SP140: variants seen among roughly 807,000 people sequenced by gnomAD.
SP140 encodes the protein SP140 nuclear body protein, also known as nuclear body protein SP140.
A neutral mutation model predicts 125.0 loss-of-function variants in SP140; 81 were observed. The observed-to-expected ratio is 0.65, with a 90% CI of 0.54 to 0.78. SP140 has a LOEUF of 0.78. SP140 is among the 30% of genes least tolerant of loss of function. The pLI is 0.00. For missense variants in SP140, 858 were observed against 1,037.0 expected (o/e 0.83, Z 2.37); for synonymous variants, 312 against 354.0 (o/e 0.88, Z 1.33).
chr2:230,198,279 G>A (rs1167113961), upstream of SP140, among the ~76,000 whole-genome samples: 1 of 152,172 alleles, frequency 6.6e-6, no homozygotes. Flanking sequence ...ACCCAGAAGT[G>A]ACACCCATCT....
chr2:230,308,938 GTA>G (rs1310584746), intron 22 of SP140, among the ~76,000 whole-genome samples: 1 of 152,150 alleles, frequency 6.6e-6, no homozygotes, highest in Non-Finnish European at 1.5e-5. Context: ...GTTCTTTGTT[GTA>G]AATACACATG....
intron 11 of SP140, among the ~76,000 whole-genome samples, chr2:230,255,120 G>A (rs960186400): frequency 2.0e-5 from 3 of 152,196 alleles, no homozygotes; most frequent in African/African-American, 7.2e-5. Flanking sequence ...AGAAACGCAT[G>A]GAAACAAAGA....
chr2:230,308,808 A>G (rs1280684079), intron 22 of SP140, among the ~76,000 whole-genome samples: 1 of 152,196 alleles, frequency 6.6e-6, no homozygotes, highest in Non-Finnish European at 1.5e-5. Context: ...GGACTTGTAG[A>G]TAGACCATTC....
intron 22 of SP140, among the ~76,000 whole-genome samples, chr2:230,300,078 C>T (rs2058147166): frequency 6.6e-6 from 1 of 152,142 alleles, no homozygotes; most frequent in African/African-American, 2.4e-5. Context: ...TGACCTCACC[C>T]ATCACCTGAG....
chr2:230,288,022 G>T (rs189172034), intron 18 of SP140, 56 bp downstream of exon 18: 1 of 1,419,384 alleles, frequency 7.0e-7, no homozygotes, highest in East Asian at 2.4e-5. Flanking sequence ...TTTCCTGTGC[G>T]GTACACTGTA....
intron 23 of SP140, chr2:230,310,475 G>T: frequency 1.4e-6 from 1 of 736,572 alleles, no homozygotes; most frequent in Non-Finnish European, 2.2e-6. Flanking sequence ...GGTTCCCTGT[G>T]CTCCCAGCAG....
chr2:230,301,144 G>C (rs747270596), intron 22 of SP140, among the ~76,000 whole-genome samples: 4 of 152,178 alleles, frequency 2.6e-5, no homozygotes, highest in Non-Finnish European at 5.9e-5. Context: ...CGAAGTTTAG[G>C]ATTATGATAA....
chr2:230,272,303 C>T (rs556786886), intron 15 of SP140, among the ~76,000 whole-genome samples: 22 of 152,188 alleles, frequency 1.4e-4, no homozygotes, highest in African/African-American at 5.1e-4. Context: ...TCATGCTACC[C>T]AATTTCAAGC....
At chr2:230,199,708 A>C (rs895564183), upstream of SP140, among the ~76,000 whole-genome samples, 3 of 152,162 alleles carry the variant, frequency 2.0e-5, no homozygotes, top group Non-Finnish European at 4.4e-5. Context: ...TCTTCTTCAC[A>C]CTTATGCTCT....
At chr2:230,290,682 G>A (rs2057012060) in intron 19 of SP140, 118 bp downstream of exon 19, 1 of 818,102 alleles carries the variant, frequency 1.2e-6, no homozygotes, top group Non-Finnish European at 1.9e-6. Context: ...TGGCTTGAGG[G>A]AAGGAGGAAG....
intron 1 of SP140, among the ~76,000 whole-genome samples, chr2:230,235,847 A>G (rs1332089298): frequency 6.6e-6 from 1 of 151,614 alleles, no homozygotes; most frequent in African/African-American, 2.4e-5. Context: ...GGACCAGAGA[A>G]AGAGTGATTT....
At chr2:230,229,986 C>A (rs934898753) in intron 1 of SP140, among the ~76,000 whole-genome samples, 1 of 151,484 alleles carries the variant, frequency 6.6e-6, no homozygotes. Context: ...CTCTGTCTTT[C>A]GTATTCTGCA....
chr2:230,248,124 G>A (rs2049777967), intron 8 of SP140, 59 bp downstream of exon 8: 2 of 1,551,018 alleles, frequency 1.3e-6, no homozygotes, highest in South Asian at 2.3e-5. Flanking sequence ...GCCAACATGG[G>A]GTGGGAGACC....
intron 18 of SP140, among the ~76,000 whole-genome samples, chr2:230,289,154 G>A (rs1038319720): frequency 1.3e-5 from 2 of 152,112 alleles, no homozygotes; most frequent in African/African-American, 4.8e-5. Flanking sequence ...TTTAATGATT[G>A]CCATTCTAAC....
intron 1 of SP140, among the ~76,000 whole-genome samples, chr2:230,205,945 T>C (rs1392699259): frequency 6.6e-6 from 1 of 152,168 alleles, no homozygotes; most frequent in Non-Finnish European, 1.5e-5. Context: ...AGGAGGCCCA[T>C]AGAGAATACA....
intron 6 of SP140, among the ~76,000 whole-genome samples, chr2:230,245,528 C>T (rs940772049): frequency 1.3e-5 from 2 of 152,018 alleles, no homozygotes; most frequent in African/African-American, 4.8e-5. Context: ...AAAGAGGTAA[C>T]AAACATCACG....
chr2:230,305,683 C>T (rs972442464), intron 22 of SP140, among the ~76,000 whole-genome samples: 5 of 152,306 alleles, frequency 3.3e-5, no homozygotes, highest in Admixed American at 6.5e-5. Flanking sequence ...CGGGCCCGAA[C>T]GCGGAGCAGT....
chr2:230,253,239 G>A lies in SP140; in HGVS notation c.1058-77G>A, dbSNP rs2050646978. The A allele has an allele frequency of 7.0e-6, 7 of 993,722 alleles. No homozygotes were observed. In the Admixed American group the frequency reaches 1.2e-4, roughly 17 times the overall value. 61.6% of individuals were successfully genotyped at this position (993,722 alleles called of 1,614,324 possible). The stretch of plus-strand genomic sequence containing the variant: ...GAAAAGGCGGAACAAGACAGGGGTG[G>A]CTCTTAGCATTTTCCCATCTTGGAT... On this transcript the variant is annotated intron_variant, in intron 10 of 26. Transcript: ENST00000392045.
At chr2:230,216,706 T>G in intron 3 of SP140, 10 of 1,561,256 alleles carry the variant, frequency 6.4e-6, no homozygotes, top group East Asian at 2.3e-5. Context: ...CCCTGGTGGT[T>G]TGTGGTTTGA....
Sources: allele counts gnomAD v4.1 joint callset (sites outside exome capture counted in the v4.1 genomes callset), GRCh38; gene constraint gnomAD v4.1.1; transcripts MANE v1.5; gene names NCBI Gene and HGNC (gene_info 2026-07-23, HGNC 2026-07-21).